ANO1: variants seen among roughly 807,000 people sequenced by gnomAD.
ANO1 encodes anoctamin-1.
Under a neutral mutation model 124.0 loss-of-function variants are expected in ANO1, and 59 were observed. That is an observed-to-expected ratio of 0.48 (90% CI 0.39 to 0.59). The LOEUF (loss-of-function observed/expected upper bound fraction) is 0.59. Ranked by LOEUF, ANO1 falls within the 20% of genes least tolerant of loss-of-function variation. The pLI, the probability that ANO1 is intolerant of heterozygous loss-of-function variation, is 0.00. For synonymous variants in ANO1, 529 were observed against 532.0 expected (o/e 0.99, Z 0.08); for missense variants, 1,059 against 1,328.0 (o/e 0.80, Z 3.15).
chr11:70,184,787 C>G (rs753172961), intron 24 of ANO1, among the ~76,000 whole-genome samples: 1 of 152,124 alleles, frequency 6.6e-6, no homozygotes, highest in Non-Finnish European at 1.5e-5. Context: ...CACTTTGTGG[C>G]CCAGGCTGAA....
At chr11:70,036,853 C>A (rs1015333607) in intron 1 of ANO1, among the ~76,000 whole-genome samples, 20 of 152,148 alleles carry the variant, frequency 1.3e-4, no homozygotes, top group African/African-American at 4.8e-4. Flanking sequence ...GTGATCTGCC[C>A]GCCTCAGCCT....
At chr11:70,048,715 A>G (rs1591056302) in intron 1 of ANO1, among the ~76,000 whole-genome samples, 1 of 27,996 alleles carries the variant, frequency 3.6e-5, no homozygotes, top group Admixed American at 4.7e-4. Context: ...ACCGCTGACC[A>G]CCCCCCAGCC....
intron 23 of ANO1, among the ~76,000 whole-genome samples, chr11:70,181,479 C>T (rs1460188581): frequency 6.6e-6 from 1 of 152,242 alleles, no homozygotes; most frequent in East Asian, 1.9e-4. Flanking sequence ...CCCCTTATCC[C>T]GCCCAGACAA....
Position 70,087,938 on chromosome 11 carries a change from C to T in ANO1, c.295C>T (p.His99Tyr). ...TGGGGCTCGCAGCGTCAAGCAGGAC[C>T]ACCCCCTGCCGGGCAAGGGGGCGTC... ...PSGARSVKQDHPLPGKGASLD... is the reference protein window; with the variant it reads ...PSGARSVKQDYPLPGKGASLD... Residue 99 changes from histidine to tyrosine, a missense_variant, in exon 2 of 26, where the codon CAC (histidine) becomes TAC (tyrosine). By Grantham distance (83) the His-to-Tyr change is moderately conservative (BLOSUM62 2). Around this residue, in one of 2 missense-constraint regions of ANO1, gnomAD observed 250 missense variants for 233.1 expected, o/e 1.07. Transcript: ENST00000355303. 6.2e-7 allele frequency: 1 copy of T among 1,603,408 alleles called. No homozygotes were observed. Among genetic ancestry groups the T allele is most frequent in the Middle Eastern group, 1.7e-4 (1 of 6,036 alleles).
At chr11:70,017,417 AAC>A (rs1411285905) in intron 1 of ANO1, among the ~76,000 whole-genome samples, 1 of 149,114 alleles carries the variant, frequency 6.7e-6, no homozygotes, top group Non-Finnish European at 1.5e-5. Flanking sequence ...CAGCCTGGGC[AAC>A]AGTTTTCTTC....
chr11:70,122,744 T>TCTCTGTCTCCCCCCTTCCTCC lies in ANO1; in HGVS notation c.898-1596_898-1576dup, dbSNP rs1352618418. ...CTCTCCTTCTCTGTCTCTCCATCTGTCTCTGTCTCCCCCCTTCCTCCCTCT... is the reference window on the plus strand; with the variant it reads ...CTCTCCTTCTCTGTCTCTCCATCTGTCTCTGTCTCCCCCCTTCCTCCCTCTGTCTCCCCCCTTCCTCCCTCT... On this transcript the variant is annotated intron_variant, in intron 8 of 25. Coordinates refer to ENST00000355303, the MANE Select transcript of ANO1 (RefSeq NM_018043.7). Among the ~76,000 whole-genome samples, 155 of 151,868 alleles carry TCTCTGTCTCCCCCCTTCCTCC rather than the reference T, an allele frequency of 1.0e-3. 3 individuals are homozygous for TCTCTGTCTCCCCCCTTCCTCC. The highest frequency in any genetic ancestry group is 2.8e-3 in the African/African-American group (116 of 41,390).
chr11:70,050,491 T>G (rs1555006185), intron 1 of ANO1, among the ~76,000 whole-genome samples: 2 of 152,264 alleles, frequency 1.3e-5, no homozygotes, highest in African/African-American at 4.8e-5. Context: ...CCCTGTAGGC[T>G]TTTCCAACTT....
At chr11:69,985,374 A>G (rs894954578), upstream of ANO1, among the ~76,000 whole-genome samples, 2 of 151,724 alleles carry the variant, frequency 1.3e-5, no homozygotes, top group African/African-American at 2.4e-5. Context: ...GAATTTCTGG[A>G]TTCAAGTTCA....
chr11:70,172,318 A>G (rs535346988), intron 22 of ANO1, among the ~76,000 whole-genome samples: 19 of 152,246 alleles, frequency 1.2e-4, no homozygotes, highest in African/African-American at 4.3e-4. Flanking sequence ...GGAGCCAGCC[A>G]TCACAGGAAG....
intron 1 of ANO1, among the ~76,000 whole-genome samples, chr11:70,083,216 T>C (rs1430370026): frequency 6.6e-6 from 1 of 152,202 alleles, no homozygotes; most frequent in Non-Finnish European, 1.5e-5. Context: ...GAAGGTTCAC[T>C]CTATGCTAGG....
chr11:70,102,517 A>G lies in ANO1; in HGVS notation c.442-549A>G, dbSNP rs572904973. Among the ~76,000 whole-genome samples, 3 of 152,268 alleles carry G rather than the reference A, an allele frequency of 2.0e-5. No individual in the cohort carries two copies. The South Asian group carries it at 6.2e-4, about 32-fold the overall frequency. ...GCACCAGGCTGCCATTCTCTTTAGG[A>G]TGAAGTCAGTGCAGATACAAGGGAA... On this transcript the variant is annotated intron_variant, in intron 2 of 25. Coordinates refer to ENST00000355303, the MANE Select transcript of ANO1 (RefSeq NM_018043.7).
intron 25 of ANO1, 95 bp from the exon 26 acceptor site, chr11:70,187,643 G>C: frequency 1.4e-6 from 2 of 1,426,416 alleles, no homozygotes; most frequent in Middle Eastern, 2.0e-4. Context: ...GAGGTGGTGG[G>C]GTGGCACTCC....
intron 1 of ANO1, among the ~76,000 whole-genome samples, chr11:70,030,417 A>T (rs1320622899): frequency 1.3e-5 from 2 of 152,200 alleles, no homozygotes; most frequent in Non-Finnish European, 2.9e-5. Flanking sequence ...ACAAATGAAC[A>T]CACACTTAGA....
At chr11:69,983,452 G>A (rs1384687602), upstream of ANO1, among the ~76,000 whole-genome samples, 1 of 152,208 alleles carries the variant, frequency 6.6e-6, no homozygotes, top group African/African-American at 2.4e-5. Flanking sequence ...ACCTCCCCGA[G>A]CCAGTGCACT....
At position 70,062,291 on chromosome 11, in the gene ANO1, G is replaced by A. The variant is rs137906253; in HGVS notation, c.59-16251G>A. Among the ~76,000 whole-genome samples the A allele has an allele frequency of 6.7e-3, 1,019 of 152,128 alleles. 4 individuals are homozygous for A. Among genetic ancestry groups the A allele is most frequent in the Middle Eastern group, 0.024 (7 of 294 alleles). ...GGGGTTTCGCTATGTTGGCCAGGCT[G>A]GTCTCGAACTCCTGACCTCAGGTGA... is the stretch of plus-strand genomic sequence containing the variant. On this transcript the variant is annotated intron_variant, in intron 1 of 27. Transcript: ENST00000531349.
chr11:70,056,579 G>C (rs1555006893), intron 1 of ANO1: 2 of 152,056 alleles, frequency 1.3e-5, no homozygotes, highest in African/African-American at 4.8e-5. Flanking sequence ...AAAAGCTATG[G>C]ATTGAAAAGG....
intron 1 of ANO1, among the ~76,000 whole-genome samples, chr11:70,032,838 A>G (rs1488039116): frequency 1.3e-5 from 2 of 151,974 alleles, no homozygotes; most frequent in African/African-American, 4.8e-5. Context: ...AAAGAAGTGG[A>G]GGGAAAGAGG....
Position 70,078,633 on chromosome 11 carries a change from G to A in ANO1, c.27G>A (p.Thr9=). 2 of 1,499,030 alleles carry A rather than the reference G, an allele frequency of 1.3e-6. No individual in the cohort carries two copies. The highest frequency in any genetic ancestry group is 1.8e-6 in the Non-Finnish European group (2 of 1,114,446). 92.9% of individuals were successfully genotyped at this position (1,499,030 alleles called of 1,614,324 possible). ...TGAGGGTCAACGAGAAGTACTCGAC[G>A]CTCCCGGCCGAGGACCGCAGCGTCC... The part of the protein sequence containing the change: MRVNEKYS[T]LPAEDRSVHI... Residue 9 remains threonine, a synonymous_variant, in exon 1 of 26, where the codon ACG becomes ACA. Coordinates refer to ENST00000355303, the MANE Select transcript of ANO1 (RefSeq NM_018043.7).
chr11:70,160,971 C>T (rs2048018068), intron 16 of ANO1, among the ~76,000 whole-genome samples, 190 bp from the exon 17 acceptor site: 1 of 152,230 alleles, frequency 6.6e-6, no homozygotes, highest in South Asian at 2.1e-4. Context: ...GCCCCTCATC[C>T]ATCTGTCTCT....
Sources: allele counts gnomAD v4.1 joint callset (sites outside exome capture counted in the v4.1 genomes callset), GRCh38; gene constraint gnomAD v4.1.1; regional missense constraint gnomAD v4.1.1; transcripts MANE v1.5; gene names NCBI Gene and HGNC (gene_info 2026-07-23, HGNC 2026-07-21).